The following RELCH variants were observed in gnomAD, a reference collection of about 807,000 sequenced individuals.
RELCH encodes RAB11-binding protein RELCH.
A neutral mutation model predicts 150.3 loss-of-function variants in RELCH; 41 were observed. That is an observed-to-expected ratio of 0.27 (90% CI 0.21 to 0.35). RELCH has a LOEUF of 0.35. RELCH is among the 10% of genes least tolerant of loss of function. The pLI, the probability that RELCH is intolerant of heterozygous loss-of-function variation, is 1.00. For synonymous variants in RELCH, 478 were observed against 531.8 expected (o/e 0.90, Z 1.39); for missense variants, 1,092 against 1,467.8 (o/e 0.74, Z 4.18).
rs58582717 is a variant in RELCH, at chr18:62,197,754, A to G, written c.526+9723A>G. Among the ~76,000 whole-genome samples, 918 of 152,340 alleles carry G rather than the reference A, an allele frequency of 6.0e-3. 6 individuals carry two copies. The highest frequency in any genetic ancestry group is 0.02 in the African/African-American group (841 of 41,578). ...AGAAGAATGCCCTAGAGCTGATATG[A>G]TTGGATTATACTAAGATACAGGACA... On this transcript the variant is annotated intron_variant, in intron 1 of 28. Transcript: ENST00000644646.
rs143356514 is a variant in RELCH, at chr18:62,199,872, G to T, written c.527-11281G>T. 2.2e-3 allele frequency among the ~76,000 whole-genome samples: 342 copies of T among 152,274 alleles called. 4 individuals carry two copies. Among genetic ancestry groups the T allele is most frequent in the African/African-American group, 7.9e-3 (328 of 41,548 alleles). The stretch of plus-strand genomic sequence containing the variant: ...TTTCCTTTACTGTAAAATGCAGATG[G>T]TAATGACTCCTTTAGCACAGGGTTG... On this transcript the variant is annotated intron_variant, in intron 1 of 28. Coordinates refer to ENST00000644646, the MANE Select transcript of RELCH (RefSeq NM_001346231.2).
chr18:62,231,385 C>T (rs940668871), intron 9 of RELCH, 116 bp downstream of exon 9: 2 of 621,128 alleles, frequency 3.2e-6, no homozygotes, highest in Admixed American at 6.5e-5. Context: ...AATGCAAATC[C>T]ATTATGTAAA....
intron 1 of RELCH, among the ~76,000 whole-genome samples, chr18:62,203,813 C>G (rs2039603920): frequency 6.6e-6 from 1 of 151,972 alleles, no homozygotes; most frequent in African/African-American, 2.4e-5. Flanking sequence ...AGACCCATCT[C>G]TACAAAAAAA....
At chr18:62,232,458 TA>T in intron 10 of RELCH, 31 bp downstream of exon 10, 1 of 1,305,176 alleles carries the variant, frequency 7.7e-7, no homozygotes, top group Non-Finnish European at 1.1e-6. Flanking sequence ...TTCGTCCCAG[TA>T]ATCCCATCAT....
In RELCH at chr18:62,298,653, T is replaced by C. The variant is rs2145130149; in HGVS notation, c.3460-137T>C. The C allele has an allele frequency of 5.3e-6, 3 of 562,294 alleles. No individual in the cohort carries two copies. The East Asian group carries it at 9.5e-5, about 18-fold the overall frequency. The allele number at this position is 562,294 out of a possible 1,614,324, so 34.8% of individuals were successfully genotyped here. On this transcript the variant is annotated intron_variant, in intron 27 of 28. Transcript: ENST00000644646. ...GTCTAGCAATCTAATATGAATTCCT[T>C]TAACAAAGTAACTGCCAAAACTAAA... is the stretch of plus-strand genomic sequence containing the variant.
At chr18:62,255,065 A>G (rs2042926265) in intron 12 of RELCH, among the ~76,000 whole-genome samples, 1 of 152,126 alleles carries the variant, frequency 6.6e-6, no homozygotes, top group Non-Finnish European at 1.5e-5. Flanking sequence ...GAGTTTTCCA[A>G]GTTTAAAAAT....
intron 17 of RELCH, 67 bp from the exon 18 acceptor site, chr18:62,264,662 A>C (rs1331903124): frequency 8.3e-7 from 1 of 1,202,374 alleles, no homozygotes; most frequent in Non-Finnish European, 1.2e-6. Context: ...GCATTGTTTC[A>C]GAAATTGGCA....
chr18:62,275,688 T>C (rs555163673), intron 22 of RELCH: 13 of 385,310 alleles, frequency 3.4e-5, no homozygotes, highest in African/African-American at 2.5e-4. Flanking sequence ...ACTGGTTCCT[T>C]GAATGTTATT....
At chr18:62,230,297 A>T (rs999395864) in intron 8 of RELCH, among the ~76,000 whole-genome samples, 7 of 151,642 alleles carry the variant, frequency 4.6e-5, no homozygotes, top group African/African-American at 7.3e-5. Context: ...ACCCCATCTC[A>T]AAAAAAAGGA....
chr18:62,287,481 A>T lies in RELCH; in HGVS notation c.3370+14A>T, dbSNP rs2044873050. The T allele has an allele frequency of 7.7e-7, 1 of 1,299,260 alleles. No homozygotes were observed. Among genetic ancestry groups the T allele is most frequent in the African/African-American group, 1.5e-5 (1 of 68,420 alleles). The allele number at this position is 1,299,260 out of a possible 1,614,324, so 80.5% of individuals were successfully genotyped here. A position where few individuals can be genotyped will look rare whatever the true frequency, so the allele number is the denominator to read the frequency against. ...TTTCCTGTTGTTGTATCCTTGTTTT[A>T]TTAAGGTGTATCTACATTTATGTAA... On this transcript the variant is annotated intron_variant, in intron 26 of 28. Coordinates refer to ENST00000644646, the MANE Select transcript of RELCH (RefSeq NM_001346231.2).
intron 20 of RELCH, 112 bp downstream of exon 20, chr18:62,269,060 C>A: frequency 2.2e-6 from 1 of 461,258 alleles, no homozygotes; most frequent in South Asian, 4.5e-5. Flanking sequence ...AAACAATTTA[C>A]TTATTTTATT....
intron 24 of RELCH, 70 bp downstream of exon 24, chr18:62,280,779 A>T (rs2044473057): frequency 9.6e-7 from 1 of 1,045,980 alleles, no homozygotes; most frequent in Admixed American, 1.8e-5. Flanking sequence ...ATCTGGTGGT[A>T]GGCTGCAGGG....
At chr18:62,251,696 C>A (rs543082361) in intron 11 of RELCH, among the ~76,000 whole-genome samples, 1 of 152,234 alleles carries the variant, frequency 6.6e-6, no homozygotes, top group African/African-American at 2.4e-5. Flanking sequence ...CTTAAAATAC[C>A]ACTTTATTAA....
At position 62,298,122 on chromosome 18, in the gene RELCH, C is replaced by A. The variant is rs370004912; in HGVS notation, c.3460-668C>A. ...CCCCCGTCTAAAAAGATACCTAGCC[C>A]GTAGTAGGTAGACAATAAATATTTT... On this transcript the variant is annotated intron_variant, in intron 27 of 28. Coordinates refer to ENST00000644646, the MANE Select transcript of RELCH (RefSeq NM_001346231.2). Among the ~76,000 whole-genome samples the A allele has an allele frequency of 6.0e-5, 9 of 150,016 alleles. No homozygotes were observed. In the South Asian group the frequency reaches 1.3e-3, roughly 21 times the overall value.
At chr18:62,211,342 A>G (rs2040155870) in intron 2 of RELCH, 100 bp downstream of exon 2, 8 of 684,742 alleles carry the variant, frequency 1.2e-5, no homozygotes, top group South Asian at 8.8e-5. Flanking sequence ...GTATGTGACT[A>G]TAACATATAT....
chr18:62,226,088 C>T (rs1055581984), intron 5 of RELCH, among the ~76,000 whole-genome samples: 1 of 151,788 alleles, frequency 6.6e-6, no homozygotes, highest in Non-Finnish European at 1.5e-5. Context: ...TCAAATAAAC[C>T]GTCAAAGGAT....
chr18:62,295,604 A>G (rs117945604), intron 27 of RELCH, among the ~76,000 whole-genome samples: 1 of 152,026 alleles, frequency 6.6e-6, no homozygotes, highest in Non-Finnish European at 1.5e-5. Context: ...TTTTTGAGAC[A>G]GGGTCTCACT....
chr18:62,238,378 G>T (rs1019693203), intron 10 of RELCH, among the ~76,000 whole-genome samples: 17 of 151,894 alleles, frequency 1.1e-4, no homozygotes, highest in Admixed American at 7.9e-4. Context: ...CAGGAAACTT[G>T]AATCTTTTGA....
intron 1 of RELCH, 40 bp from the exon 2 acceptor site, chr18:62,211,113 C>T (rs1445115971): frequency 1.9e-6 from 2 of 1,050,680 alleles, no homozygotes; most frequent in South Asian, 1.5e-5. Flanking sequence ...CTTATTTTAA[C>T]AATTAAATTA....
Sources: gnomAD v4.1 joint callset for allele counts (sites outside exome capture counted in the v4.1 genomes callset) on GRCh38, gnomAD v4.1.1 for gene constraint, MANE v1.5 for transcripts, NCBI Gene and HGNC (gene_info 2026-07-23, HGNC 2026-07-21) for gene names.